Variants in XIRP2 observed in about 807,000 individuals in gnomAD.
XIRP2 encodes the protein xin actin-binding repeat-containing protein 2.
Under a neutral mutation model 277.0 loss-of-function variants are expected in XIRP2, and 236 were observed. That is an observed-to-expected ratio of 0.85 (90% CI 0.77 to 0.95). The LOEUF is 0.95. XIRP2 is among the 40% of genes least tolerant of loss of function. XIRP2 has a pLI of 0.00. For synonymous variants in XIRP2, 1,490 were observed against 1,416.5 expected, an observed-to-expected ratio of 1.05 and a Z score of -1.17; for missense variants, 4,640 against 4,157.5, an observed-to-expected ratio of 1.12 and a Z score of -3.19.
At chr2:166,931,463 A>G (rs994066166) in intron 2 of XIRP2, among the ~76,000 whole-genome samples, 7 of 152,174 alleles carry the variant, frequency 4.6e-5, no homozygotes, top group Admixed American at 4.6e-4. Flanking sequence ...CTCTTCTATC[A>G]TAACAGATTA....
intron 8 of XIRP2, 29 bp downstream of exon 8, chr2:167,241,939 A>G (rs1371513325): frequency 6.9e-6 from 11 of 1,598,198 alleles, no homozygotes; most frequent in Middle Eastern, 1.7e-4. Context: ...ACAGAAACAT[A>G]CTAAGTGTAA....
At chr2:167,083,035 T>C (rs1249811309) in intron 2 of XIRP2, among the ~76,000 whole-genome samples, 6 of 152,232 alleles carry the variant, frequency 3.9e-5, no homozygotes, top group African/African-American at 1.4e-4. Context: ...ATGTCCTGAA[T>C]GGTAATGCCT....
At position 166,911,285 on chromosome 2, in the gene XIRP2, A is replaced by G. The variant is rs941075761; in HGVS notation, c.408+7395A>G. On this transcript the variant is annotated intron_variant, in intron 2 of 10. Coordinates refer to ENST00000409195, the MANE Select transcript of XIRP2 (RefSeq NM_152381.6). ...AGGTCACTCAGGACTTGCTTTATGA[A>G]TCTGGGTGCTCCTGTATTGGGTGCA... Among the ~76,000 whole-genome samples, 40 of 152,130 alleles carry G rather than the reference A, an allele frequency of 2.6e-4. 1 individual carries two copies. The highest frequency in any genetic ancestry group is 8.9e-4 in the African/African-American group (37 of 41,424).
At chr2:166,958,593 A>G (rs1686226275) in intron 2 of XIRP2, among the ~76,000 whole-genome samples, 1 of 151,746 alleles carries the variant, frequency 6.6e-6, no homozygotes, top group African/African-American at 2.4e-5. Context: ...TGTGCAAATA[A>G]AATAAAATAA....
chr2:167,063,418 A>G (rs1689220186), intron 2 of XIRP2, among the ~76,000 whole-genome samples: 1 of 151,996 alleles, frequency 6.6e-6, no homozygotes. Flanking sequence ...TCAATTTAGT[A>G]AGTGGGTTAA....
chr2:167,104,175 G>T (rs1317912102), intron 2 of XIRP2, among the ~76,000 whole-genome samples: 1 of 152,000 alleles, frequency 6.6e-6, no homozygotes, highest in African/African-American at 2.4e-5. Context: ...TCTCATGAAG[G>T]ATTTTAGTAT....
chr2:166,943,868 G>T (rs1009092082), intron 2 of XIRP2, among the ~76,000 whole-genome samples: 2 of 152,170 alleles, frequency 1.3e-5, no homozygotes, highest in African/African-American at 4.8e-5. Flanking sequence ...TTCCTCTAGA[G>T]TACAGACTCT....
At chr2:167,169,791 T>C (rs1364667869) in intron 3 of XIRP2, among the ~76,000 whole-genome samples, 1 of 152,224 alleles carries the variant, frequency 6.6e-6, no homozygotes, top group African/African-American at 2.4e-5. Flanking sequence ...ACTGGGTGTA[T>C]AGCTATGTTT....
chr2:167,058,371 G>A (rs1055647382), intron 2 of XIRP2, among the ~76,000 whole-genome samples: 3 of 152,066 alleles, frequency 2.0e-5, no homozygotes, highest in African/African-American at 7.2e-5. Context: ...ATGAGCCAAG[G>A]TGACTGGCCT....
chr2:167,174,761 C>G (rs1480449804), intron 3 of XIRP2, among the ~76,000 whole-genome samples: 1 of 152,140 alleles, frequency 6.6e-6, no homozygotes, highest in Non-Finnish European at 1.5e-5. Context: ...TTATCTGTGT[C>G]ACAGAGATTC....
chr2:167,114,635 C>G (rs1413360143), intron 2 of XIRP2, among the ~76,000 whole-genome samples: 2 of 151,562 alleles, frequency 1.3e-5, no homozygotes, highest in Non-Finnish European at 2.9e-5. Flanking sequence ...GTGATGTTCC[C>G]CTTCCCGTGT....
intron 2 of XIRP2, among the ~76,000 whole-genome samples, chr2:166,924,188 C>A (rs1685127353): frequency 6.6e-6 from 1 of 152,014 alleles, no homozygotes. Flanking sequence ...GGAGTTCCTG[C>A]AACTATAACA....
chr2:166,973,642 G>A (rs1193449590), intron 2 of XIRP2, among the ~76,000 whole-genome samples: 1 of 152,110 alleles, frequency 6.6e-6, no homozygotes, highest in East Asian at 1.9e-4. Context: ...AGCATCACAT[G>A]GACACTTCAA....
At chr2:166,987,309 A>G (rs1687032516) in intron 2 of XIRP2, among the ~76,000 whole-genome samples, 1 of 152,168 alleles carries the variant, frequency 6.6e-6, no homozygotes, top group Admixed American at 6.5e-5. Context: ...CTAAGAAATA[A>G]AGTCCCAAAA....
At chr2:167,232,585 A>G (rs1001430556) in intron 5 of XIRP2, among the ~76,000 whole-genome samples, 1 of 151,958 alleles carries the variant, frequency 6.6e-6, no homozygotes, top group Admixed American at 6.6e-5. Context: ...TTACTACCAA[A>G]TCCTGAATTA....
chr2:167,018,947 T>G (rs534693927), intron 2 of XIRP2, among the ~76,000 whole-genome samples: 66 of 151,480 alleles, frequency 4.4e-4, no homozygotes, highest in African/African-American at 1.4e-3. Flanking sequence ...AAGGCAGGGA[T>G]TTTTTTTTCT....
chr2:167,062,108 G>A (rs569525288), intron 2 of XIRP2, among the ~76,000 whole-genome samples: 5 of 152,154 alleles, frequency 3.3e-5, no homozygotes, highest in South Asian at 2.1e-4. Context: ...TTATAGTCTG[G>A]CAATCTGATG....
In XIRP2 at chr2:167,078,599, G is replaced by A. The variant is rs546103648; in HGVS notation, c.409-57310G>A. Among the ~76,000 whole-genome samples the A allele has an allele frequency of 1.1e-3, 170 of 152,206 alleles. 2 individuals carry two copies. Among genetic ancestry groups the A allele is most frequent in the African/African-American group, 3.8e-3 (157 of 41,528 alleles). On this transcript the variant is annotated intron_variant, in intron 2 of 10. Transcript: ENST00000409195. Reference sequence around the variant, plus strand: ...CGCCTGTAATCCCAGCACTTTGGGAGGCCGAGGTGGGCAGAACACGAGGTC... The same window carrying A: ...CGCCTGTAATCCCAGCACTTTGGGAAGCCGAGGTGGGCAGAACACGAGGTC...
At chr2:167,175,183 C>T (rs558416986) in intron 3 of XIRP2, among the ~76,000 whole-genome samples, 2 of 152,074 alleles carry the variant, frequency 1.3e-5, no homozygotes, top group African/African-American at 4.8e-5. Context: ...CAGTGGGGTG[C>T]TAAATTCTCC....
Sources: allele counts gnomAD v4.1 joint callset (sites outside exome capture counted in the v4.1 genomes callset), GRCh38; gene constraint gnomAD v4.1.1; transcripts MANE v1.5; gene names NCBI Gene and HGNC (gene_info 2026-07-23, HGNC 2026-07-21).